Variants in WWC1 observed in about 807,000 individuals in gnomAD.
WWC1 encodes WW and C2 domain containing 1.
In WWC1, 55 loss-of-function variants were observed where a neutral mutation model predicts 138.4. The observed-to-expected ratio is 0.40, with a 90% CI of 0.32 to 0.50. The LOEUF (loss-of-function observed/expected upper bound fraction) is 0.50. Ranked by LOEUF, WWC1 falls within the 20% of genes least tolerant of loss-of-function variation. The pLI is 0.72. For missense variants in WWC1, 1,226 were observed against 1,420.4 expected (o/e 0.86, Z 2.20); for synonymous variants, 524 against 564.9 (o/e 0.93, Z 1.03).
At position 168,414,521 on chromosome 5, in the gene WWC1, T is replaced by C. The variant is rs1285173813; in HGVS notation, c.1115T>C (p.Met372Thr). Reference sequence around the variant, plus strand: ...CAGGGGGAGGTGGAGCAGCTGGAGATGGCCCGGAAGCGGCTGGAAAAGGAC... The same window carrying C: ...CAGGGGGAGGTGGAGCAGCTGGAGACGGCCCGGAAGCGGCTGGAAAAGGAC... ...WTQGEVEQLE[M>T]ARKRLEKDLQ... Residue 372 changes from methionine (M) to threonine (T), a missense_variant, in exon 9 of 23, where the codon ATG (methionine) becomes ACG (threonine). This residue lies in a region of WWC1 where 1,016 missense variants were observed against 1,153.9 expected (regional missense o/e 0.88). Transcript: ENST00000265293. The C allele has an allele frequency of 2.6e-6, 4 of 1,556,906 alleles. No homozygotes were observed. The East Asian group carries it at 9.6e-5, about 37-fold the overall frequency.
rs117190396 is a variant in WWC1, at chr5:168,303,427, C to T, written c.119+11156C>T. Among the ~76,000 whole-genome samples the T allele has an allele frequency of 5.9e-3, 890 of 152,134 alleles. 11 individuals carry two copies. The highest frequency in any genetic ancestry group is 0.043 in the East Asian group (220 of 5,150). ...GCCTGGACAAGAAAGTGGGATCTCACTTTCTTGCCCATCTCTACAAACATT... is the reference window on the plus strand; with the variant it reads ...GCCTGGACAAGAAAGTGGGATCTCATTTTCTTGCCCATCTCTACAAACATT... On this transcript the variant is annotated intron_variant, in intron 1 of 22. Coordinates refer to ENST00000265293, the MANE Select transcript of WWC1 (RefSeq NM_015238.3).
At chr5:168,348,138 G>C (rs1445651350) in intron 1 of WWC1, among the ~76,000 whole-genome samples, 1 of 152,228 alleles carries the variant, frequency 6.6e-6, no homozygotes, top group Non-Finnish European at 1.5e-5. Flanking sequence ...TTGACAGGTT[G>C]GGGGATGTGA....
At chr5:168,422,329 G>C (rs983497011) in intron 10 of WWC1, among the ~76,000 whole-genome samples, 1 of 152,332 alleles carries the variant, frequency 6.6e-6, no homozygotes, top group East Asian at 1.9e-4. Context: ...GCAGGTAATA[G>C]GTAGTCTTAA....
chr5:168,406,163 T>C, intron 5 of WWC1, 35 bp from the exon 6 acceptor site: 2 of 1,611,244 alleles, frequency 1.2e-6, no homozygotes, highest in Non-Finnish European at 1.7e-6. Context: ...CCTCACCCTA[T>C]CTAAGGCTGA....
rs560591959 is a variant in WWC1, at chr5:168,384,780, C to T, written c.230-431C>T. On this transcript the variant is annotated intron_variant, in intron 2 of 22. Coordinates refer to ENST00000265293, the MANE Select transcript of WWC1 (RefSeq NM_015238.3). ...TCATCCAGGCTGGAGTGCAGTGGCA[C>T]GATCTCAGCTTGCTGCAACCTCCCC... Among the ~76,000 whole-genome samples the T allele has an allele frequency of 7.5e-5, 11 of 146,352 alleles. No individual in the cohort carries two copies. In the East Asian group the frequency reaches 8.1e-4, roughly 11 times the overall value.
At chr5:168,334,374 G>C (rs1039353771) in intron 1 of WWC1, among the ~76,000 whole-genome samples, 1 of 152,068 alleles carries the variant, frequency 6.6e-6, no homozygotes, top group African/African-American at 2.4e-5. Context: ...AACAGGTCTC[G>C]AGAGACATTG....
chr5:168,335,409 C>T (rs1773372678), intron 1 of WWC1, among the ~76,000 whole-genome samples: 1 of 152,166 alleles, frequency 6.6e-6, no homozygotes, highest in South Asian at 2.1e-4. Flanking sequence ...TAGCTTGAGC[C>T]CAGGAGTTTG....
At chr5:168,410,294 C>T in intron 8 of WWC1, 2 of 362,438 alleles carry the variant, frequency 5.5e-6, no homozygotes, top group Non-Finnish European at 1.0e-5. Context: ...CGAGGCTTTC[C>T]CATGATCCTG....
At chr5:168,427,884 C>G (rs942520487) in intron 11 of WWC1, 149 bp from the exon 12 acceptor site, 2 of 567,680 alleles carry the variant, frequency 3.5e-6, no homozygotes, top group Non-Finnish European at 6.4e-6. Flanking sequence ...CACCAGAACC[C>G]GAAGTGGTCG....
intron 1 of WWC1, among the ~76,000 whole-genome samples, chr5:168,343,537 G>A (rs942275674): frequency 2.0e-5 from 3 of 152,162 alleles, no homozygotes; most frequent in Non-Finnish European, 4.4e-5. Flanking sequence ...TATATTAAGA[G>A]TTGAGGCCGG....
At chr5:168,433,781 G>C (rs1356160468) in intron 15 of WWC1, among the ~76,000 whole-genome samples, 1 of 152,098 alleles carries the variant, frequency 6.6e-6, no homozygotes, top group Non-Finnish European at 1.5e-5. Flanking sequence ...CAAGTGATCC[G>C]CCTGTCTCCA....
intron 1 of WWC1, among the ~76,000 whole-genome samples, chr5:168,320,043 T>C (rs984015376): frequency 4.0e-5 from 6 of 151,754 alleles, no homozygotes; most frequent in Non-Finnish European, 7.4e-5. Context: ...ACTTTTTTTT[T>C]TTTTTTGAGA....
intron 19 of WWC1, among the ~76,000 whole-genome samples, chr5:168,459,248 C>T (rs1187933286): frequency 7.7e-6 from 1 of 129,068 alleles, no homozygotes; most frequent in Non-Finnish European, 1.6e-5. Flanking sequence ...GAGTGAAACC[C>T]TGTCTCAAAA....
chr5:168,403,092 C>CTTTCT (rs1476592046), intron 5 of WWC1, among the ~76,000 whole-genome samples: 71 of 102,042 alleles, frequency 7.0e-4, no homozygotes, highest in African/African-American at 1.8e-3. Flanking sequence ...TCTTTCTTTT[C>CTTTCT]TTTCTTTCTT....
rs369535616 is a variant in WWC1, at chr5:168,469,020, G to T, written c.*3G>T. On this transcript the variant is annotated 3_prime_UTR_variant, in exon 23 of 23. Coordinates refer to ENST00000265293, the MANE Select transcript of WWC1 (RefSeq NM_015238.3). Reference sequence around the variant, plus strand: ...CTCTCTCTGCAGATGACGTCTAATCGCCAGAAAAGTATTTCCTTTGTTCCA... The same window carrying T: ...CTCTCTCTGCAGATGACGTCTAATCTCCAGAAAAGTATTTCCTTTGTTCCA... 6.8e-6 allele frequency: 11 copies of T among 1,613,964 alleles called. No individual in the cohort carries two copies. In the African/African-American group the frequency reaches 1.1e-4, roughly 16 times the overall value.
chr5:168,432,932 C>G (rs1164539184), intron 15 of WWC1, among the ~76,000 whole-genome samples: 2 of 152,328 alleles, frequency 1.3e-5, no homozygotes, highest in East Asian at 3.9e-4. Flanking sequence ...CTTTCTCCTG[C>G]TGTAAATCAC....
intron 21 of WWC1, among the ~76,000 whole-genome samples, chr5:168,465,700 G>A (rs545564817): frequency 4.6e-5 from 7 of 151,542 alleles, no homozygotes; most frequent in Non-Finnish European, 7.4e-5. Context: ...TGTGTTGACA[G>A]GTGCATACCA....
chr5:168,376,210 T>A (rs1026572596), intron 2 of WWC1, among the ~76,000 whole-genome samples: 3 of 152,034 alleles, frequency 2.0e-5, no homozygotes, highest in Admixed American at 1.3e-4. Flanking sequence ...TGTGCCATCA[T>A]GCCTAGCTAA....
At chr5:168,323,391 AAAAG>A (rs973636611) in intron 1 of WWC1, among the ~76,000 whole-genome samples, 2 of 152,122 alleles carry the variant, frequency 1.3e-5, no homozygotes, top group African/African-American at 4.8e-5. Context: ...ACTAAAATAA[AAAAG>A]AAATTAGCCA....
Sources: gnomAD v4.1 joint callset for allele counts (sites outside exome capture counted in the v4.1 genomes callset) on GRCh38, gnomAD v4.1.1 for gene constraint, gnomAD v4.1.1 regional missense constraint, MANE v1.5 for transcripts, NCBI Gene and HGNC (gene_info 2026-07-23, HGNC 2026-07-21) for gene names.